The following CSMD1 variants were observed in gnomAD, a reference collection of about 807,000 sequenced individuals.
CSMD1 encodes the protein CUB and sushi domain-containing protein 1.
A neutral mutation model predicts 417.5 loss-of-function variants in CSMD1; 213 were observed. That is an observed-to-expected ratio of 0.51 (90% CI 0.46 to 0.57). The LOEUF (loss-of-function observed/expected upper bound fraction) is 0.57. Ranked by LOEUF, CSMD1 falls within the 20% of genes least tolerant of loss-of-function variation. CSMD1 has a pLI of 0.00. For synonymous variants in CSMD1, 2,862 were observed against 1,736.8 expected (o/e 1.65, Z -16.11); for missense variants, 6,923 against 4,529.7 (o/e 1.53, Z -15.17).
intron 54 of CSMD1, among the ~76,000 whole-genome samples, chr8:2,991,130 T>G (rs1451948819): frequency 4.6e-5 from 7 of 152,234 alleles, no homozygotes; most frequent in African/African-American, 1.7e-4. Context: ...TGTCTTGTCC[T>G]TCAACAGGCC....
chr8:3,840,938 C>A (rs1803095380), intron 5 of CSMD1, among the ~76,000 whole-genome samples: 1 of 151,990 alleles, frequency 6.6e-6, no homozygotes, highest in African/African-American at 2.4e-5. Context: ...AACTCCTGAA[C>A]TCAGGTGATC....
At chr8:4,013,326 G>T (rs781293257) in intron 4 of CSMD1, among the ~76,000 whole-genome samples, 1 of 152,020 alleles carries the variant, frequency 6.6e-6, no homozygotes, top group Admixed American at 6.5e-5. Flanking sequence ...CTCACCGTAC[G>T]CTGTTGTCTC....
rs185762756 is a variant in CSMD1, at chr8:3,931,829, G to A, written c.818+66074C>T. Among the ~76,000 whole-genome samples, 39 of 147,824 alleles carry A rather than the reference G, an allele frequency of 2.6e-4. 3 individuals carry two copies. The highest frequency in any genetic ancestry group is 4.6e-4 in the Non-Finnish European group (31 of 66,878). ...AATGGGACTTCCTATTCAAGCAGAG[G>A]ACTGGGCTATCTTTAAGGCAGAGTT... On this transcript the variant is annotated intron_variant, in intron 5 of 69. Coordinates refer to ENST00000635120, the MANE Select transcript of CSMD1 (RefSeq NM_033225.6).
intron 3 of CSMD1, among the ~76,000 whole-genome samples, chr8:4,219,555 TAA>T (rs10719470): frequency 4.6e-5 from 7 of 151,780 alleles, no homozygotes; most frequent in South Asian, 2.1e-4. Flanking sequence ...ATGCTTATGT[TAA>T]AAAAAAAACT....
chr8:4,043,555 A>G (rs1797999411), intron 3 of CSMD1, among the ~76,000 whole-genome samples: 1 of 152,214 alleles, frequency 6.6e-6, no homozygotes, highest in Non-Finnish European at 1.5e-5. Context: ...AAATAGCTTT[A>G]TGTGTGCTGC....
In CSMD1 at chr8:2,950,297, T is replaced by A; in HGVS notation, c.10248A>T (p.Gln3416His). The change falls in exon 67 of 70, where the codon CAA becomes CAT. Residue 3416 changes from glutamine to histidine, a missense_variant. Transcript: ENST00000635120. ...CAAAAATATCTGCCTGGCCTTTAAT[T>A]TGAAAAGCTTTCAGGAGTAAGTGGG... ...EEAHLLLKAFQIKGQADIFVS... is the reference protein window; with the variant it reads ...EEAHLLLKAFHIKGQADIFVS... 6.2e-7 allele frequency: 1 copy of A among 1,613,518 alleles called. No individual in the cohort carries two copies. Among genetic ancestry groups the A allele is most frequent in the Non-Finnish European group, 8.5e-7 (1 of 1,179,482 alleles).
At chr8:3,841,018 T>C (rs534688376) in intron 5 of CSMD1, among the ~76,000 whole-genome samples, 1 of 152,182 alleles carries the variant, frequency 6.6e-6, no homozygotes, top group African/African-American at 2.4e-5. Context: ...GTGATCTCAA[T>C]TCTTTGGTAC....
At chr8:4,161,202 T>C (rs1021742943) in intron 3 of CSMD1, among the ~76,000 whole-genome samples, 2 of 152,204 alleles carry the variant, frequency 1.3e-5, no homozygotes, top group African/African-American at 4.8e-5. Context: ...TCCTATCTCA[T>C]TTAATTCCAT....
chr8:4,525,626 G>A (rs193253340), intron 2 of CSMD1, among the ~76,000 whole-genome samples: 1 of 152,056 alleles, frequency 6.6e-6, no homozygotes, highest in Non-Finnish European at 1.5e-5. Context: ...AAAAGTAATA[G>A]CGGTTTTTGT....
intron 5 of CSMD1, among the ~76,000 whole-genome samples, chr8:3,944,745 C>G (rs1164719203): frequency 6.6e-6 from 1 of 152,038 alleles, no homozygotes; most frequent in Non-Finnish European, 1.5e-5. Context: ...ATGCACTTTT[C>G]AAAACTATAC....
At chr8:3,908,645 G>C (rs1310314479) in intron 5 of CSMD1, among the ~76,000 whole-genome samples, 3 of 151,956 alleles carry the variant, frequency 2.0e-5, no homozygotes, top group Admixed American at 2.0e-4. Flanking sequence ...CTTATTTTTT[G>C]TAATTGCTCT....
intron 68 of CSMD1, among the ~76,000 whole-genome samples, chr8:2,945,861 A>C (rs1036491119): frequency 2.0e-5 from 3 of 152,198 alleles, no homozygotes; most frequent in Non-Finnish European, 2.9e-5. Context: ...ACATTTCTTT[A>C]CTGAAGGAGG....
At chr8:4,041,505 C>A (rs1797893678) in intron 3 of CSMD1, among the ~76,000 whole-genome samples, 1 of 152,108 alleles carries the variant, frequency 6.6e-6, no homozygotes, top group Non-Finnish European at 1.5e-5. Flanking sequence ...GTCAACCAAA[C>A]CCCAGTGAAA....
At chr8:3,916,661 T>C (rs1384638693) in intron 5 of CSMD1, among the ~76,000 whole-genome samples, 1 of 152,200 alleles carries the variant, frequency 6.6e-6, no homozygotes, top group African/African-American at 2.4e-5. Flanking sequence ...AACCCGGATG[T>C]ATTCATCACC....
Position 2,962,554 on chromosome 8 carries a change from C to G in CSMD1, c.9540G>C (p.Gln3180His). The stretch of plus-strand genomic sequence containing the variant: ...CCACGAGTATAAATGGAGATTTGCA[C>G]TGGAAGAAGACTTCGGACTTATAGG... ...SFTYKSEVFF[Q>H]CKSPFILVGS... The change falls in exon 61 of 70, where the codon CAG becomes CAC. Residue 3180 changes from glutamine to histidine, a missense_variant. Transcript: ENST00000635120. 6.2e-7 allele frequency: 1 copy of G among 1,613,898 alleles called. No individual in the cohort carries two copies. Among genetic ancestry groups the G allele is most frequent in the Non-Finnish European group, 8.5e-7 (1 of 1,179,862 alleles).
intron 1 of CSMD1, among the ~76,000 whole-genome samples, chr8:4,914,605 A>G (rs1443090420): frequency 7.0e-6 from 1 of 143,086 alleles, no homozygotes. Context: ...AAAAAAAAAT[A>G]GAAGATAGAA....
intron 7 of CSMD1, among the ~76,000 whole-genome samples, chr8:3,628,722 C>T (rs1159211980): frequency 6.6e-5 from 10 of 152,168 alleles, no homozygotes; most frequent in Admixed American, 2.6e-4. Context: ...CTGCAGATCA[C>T]GTCACAGCTC....
intron 16 of CSMD1, among the ~76,000 whole-genome samples, chr8:3,397,501 G>C (rs1279928155): frequency 6.6e-6 from 1 of 152,150 alleles, no homozygotes; most frequent in East Asian, 1.9e-4. Context: ...TCCATAAAGA[G>C]GAATTTGAAC....
intron 10 of CSMD1, among the ~76,000 whole-genome samples, chr8:3,516,431 C>T (rs2117426340): frequency 6.6e-6 from 1 of 152,284 alleles, no homozygotes; most frequent in East Asian, 1.9e-4. Context: ...TCAAAATCGT[C>T]TAGCCAGGCC....
Sources: allele counts gnomAD v4.1 joint callset (sites outside exome capture counted in the v4.1 genomes callset), GRCh38; gene constraint gnomAD v4.1.1; transcripts MANE v1.5; gene names NCBI Gene and HGNC (gene_info 2026-07-23, HGNC 2026-07-21).